The following MBOAT7 variants were observed in gnomAD, a reference collection of about 807,000 sequenced individuals.
MBOAT7 encodes membrane-bound acylglycerophosphatidylinositol O-acyltransferase MBOAT7.
MBOAT7 carries 40 observed loss-of-function variants against 47.4 expected under a neutral mutation model. The ratio of observed to expected loss-of-function variants is 0.84; its 90% confidence interval spans 0.66 to 1.10. The LOEUF is 1.10. MBOAT7 is among the 50% of genes least tolerant of loss of function. The pLI is 0.00. For synonymous variants in MBOAT7, 361 were observed against 292.0 expected, an observed-to-expected ratio of 1.24 and a Z score of -2.41; for missense variants, 680 against 655.6, an observed-to-expected ratio of 1.04 and a Z score of -0.41.
chr19:54,184,610 A>C (rs917837459), intron 4 of MBOAT7, among the ~76,000 whole-genome samples: 2 of 152,112 alleles, frequency 1.3e-5, no homozygotes, highest in African/African-American at 2.4e-5. Flanking sequence ...CCCTTTAAAA[A>C]AAATAATTTT....
intron 7 of MBOAT7, among the ~76,000 whole-genome samples, chr19:54,177,151 A>AAATACTAATACTAATACTAATACT (rs71195744): frequency 0.031 from 4,555 of 146,068 alleles, 110 homozygotes; most frequent in African/African-American, 0.056. Context: ...CAGAGCATCA[A>AAATACTAATACTAATACTAATACT]AATACTAATA....
intron 1 of MBOAT7, among the ~76,000 whole-genome samples, chr19:54,188,998 T>A (rs1382673500): frequency 2.8e-5 from 2 of 70,208 alleles, no homozygotes; most frequent in Non-Finnish European, 5.7e-5. Flanking sequence ...GGATCCCCCA[T>A]CCCCCGGCCC....
chr19:54,179,180 T>G, intron 6 of MBOAT7: 1 of 585,642 alleles, frequency 1.7e-6, no homozygotes. Flanking sequence ...CTTCTTTTGG[T>G]ACCTAATGGG....
intron 4 of MBOAT7, among the ~76,000 whole-genome samples, chr19:54,184,797 A>G (rs254282): frequency 0.53 from 79,495 of 151,086 alleles, 21,510 homozygotes; most frequent in African/African-American, 0.65. Context: ...CCAGCTACTC[A>G]GGAGGCTGAG....
chr19:54,174,092 T>C lies in MBOAT7; in HGVS notation c.1371A>G (p.Ala457=). ...GGGCAAGGCTGGTGGGCTGGGATGC[T>C]GCCTTCCGCCGGCTGGGGCTGCCCC... The part of the protein sequence containing the change: ...LGGGSPSRRK[A]ASQPTSLAPE... Residue 457 remains alanine (A), a synonymous_variant, in exon 8 of 8, where the codon GCA becomes GCG. Coordinates refer to ENST00000245615, the MANE Select transcript of MBOAT7 (RefSeq NM_024298.5). 3 of 1,607,054 alleles carry C rather than the reference T, an allele frequency of 1.9e-6. No individual in the cohort carries two copies. The highest frequency in any genetic ancestry group is 2.5e-6 in the Non-Finnish European group (3 of 1,177,518).
chr19:54,179,352 C>G, intron 6 of MBOAT7: 1 of 212,822 alleles, frequency 4.7e-6, no homozygotes, highest in Non-Finnish European at 9.5e-6. Context: ...TCCCTAATAA[C>G]AAGGTGCTTC....
chr19:54,188,546 A>G, intron 1 of MBOAT7, 35 bp from the exon 2 acceptor site: 2 of 1,541,250 alleles, frequency 1.3e-6, no homozygotes, highest in Non-Finnish European at 1.8e-6. Context: ...GTGAGAACCC[A>G]GGAATCCAGG....
Position 54,178,897 on chromosome 19 carries a change from C to T in MBOAT7, c.899G>A (p.Arg300His). 6 of 1,613,504 alleles carry T rather than the reference C, an allele frequency of 3.7e-6. No homozygotes were observed. Among genetic ancestry groups the T allele is most frequent in the Non-Finnish European group, 5.1e-6 (6 of 1,180,008 alleles). ...ASLEYDYETI[R>H]NIDCYSTDFC... Reference sequence around the variant, plus strand: ...ATCTGTGCTGTAGCAGTCGATGTTGCGGATGGTCTCATAGTCATACTCCAA... The same window carrying T: ...ATCTGTGCTGTAGCAGTCGATGTTGTGGATGGTCTCATAGTCATACTCCAA... The change falls in exon 7 of 8, where the codon CGC (arginine) becomes CAC (histidine). Residue 300 changes from arginine (R) to histidine (H), a missense_variant. Arg to His is a conservative substitution (Grantham distance 29). Coordinates refer to ENST00000245615, the MANE Select transcript of MBOAT7 (RefSeq NM_024298.5).
chr19:54,179,306 C>T (rs1030466578), intron 6 of MBOAT7: 3 of 297,924 alleles, frequency 1.0e-5, no homozygotes, highest in Admixed American at 4.6e-5. Flanking sequence ...TCTAAATTGT[C>T]GGACACTGCA....
At chr19:54,183,412 T>C (rs756744278) in intron 5 of MBOAT7, 109 bp downstream of exon 5, 1 of 1,291,200 alleles carries the variant, frequency 7.7e-7, no homozygotes, top group Non-Finnish European at 1.1e-6. Flanking sequence ...CAGCAGCAGA[T>C]GCTAGGATGG....
At chr19:54,175,235 C>A (rs1457520465) in intron 7 of MBOAT7, among the ~76,000 whole-genome samples, 1 of 152,162 alleles carries the variant, frequency 6.6e-6, no homozygotes, top group East Asian at 1.9e-4. Context: ...GCCTTGGCCT[C>A]CCAAAGTGCT....
chr19:54,188,992 C>T (rs2076546725), intron 1 of MBOAT7, among the ~76,000 whole-genome samples: 1 of 148,132 alleles, frequency 6.8e-6, no homozygotes, highest in Non-Finnish European at 1.5e-5. Context: ...CTCTTTGGAT[C>T]CCCCATCCCC....
rs757027974 is a variant in MBOAT7 at position 54,183,520 on chromosome 19, C to T, written c.493+1G>A. 3 of 1,607,394 alleles carry T rather than the reference C, an allele frequency of 1.9e-6. No homozygotes were observed. The highest frequency in any genetic ancestry group is 1.7e-6 in the Non-Finnish European group (2 of 1,177,184). On this transcript the variant is annotated splice_donor_variant, in intron 5 of 7. Coordinates refer to ENST00000245615, the MANE Select transcript of MBOAT7 (RefSeq NM_024298.5). LOFTEE classifies it high-confidence loss of function. ...AGAGTTGTTAGGGCAGCCCCACTCACCTGTCATGATTCCCACGTAGCAGTA... is the reference window on the plus strand; with the variant it reads ...AGAGTTGTTAGGGCAGCCCCACTCATCTGTCATGATTCCCACGTAGCAGTA...
chr19:54,185,410 G>A (rs911119246), intron 4 of MBOAT7, among the ~76,000 whole-genome samples: 7 of 151,928 alleles, frequency 4.6e-5, no homozygotes, highest in African/African-American at 1.7e-4. Context: ...ATTTCCCCTG[G>A]GCCTAGGGTT....
At chr19:54,177,913 T>G (rs1371137320) in intron 7 of MBOAT7, among the ~76,000 whole-genome samples, 761 of 67,390 alleles carry the variant, frequency 0.011, 31 homozygotes, top group African/African-American at 0.029. Flanking sequence ...TTTTTTTTTT[T>G]TTTTTTTTTT....
rs1287708824 is a variant in MBOAT7 at position 54,183,523 on chromosome 19, G to A, written c.491C>T (p.Thr164Ile). ...GTTGTTAGGGCAGCCCCACTCACCT[G>A]TCATGATTCCCACGTAGCAGTAGCT... is the stretch of plus-strand genomic sequence containing the variant. The part of the protein sequence containing the change: ...SYSYCYVGIM[T>I]GPFFRYRTYL... Residue 164 changes from threonine (T) to isoleucine (I), a missense_variant and splice_region_variant, in exon 5 of 8, where the codon ACA (threonine) becomes ATA (isoleucine). Thr to Ile is a moderately conservative substitution (Grantham distance 89, BLOSUM62 -1). Transcript: ENST00000245615. 3 of 1,607,952 alleles carry A rather than the reference G, an allele frequency of 1.9e-6. No individual in the cohort carries two copies. The highest frequency in any genetic ancestry group is 2.5e-6 in the Non-Finnish European group (3 of 1,177,340).
intron 4 of MBOAT7, 86 bp downstream of exon 4, chr19:54,187,075 C>A: frequency 6.8e-7 from 1 of 1,460,218 alleles, no homozygotes; most frequent in South Asian, 1.3e-5. Flanking sequence ...GGTAAAATCC[C>A]GGGGAGCCAC....
At chr19:54,184,839 G>A (rs1168428305) in intron 4 of MBOAT7, among the ~76,000 whole-genome samples, 1 of 151,386 alleles carries the variant, frequency 6.6e-6, no homozygotes, top group South Asian at 2.1e-4. Context: ...GGGAGGCGGA[G>A]GTTGCGGTAA....
rs540603645 is a variant in MBOAT7, at chr19:54,175,077, G to A, written c.1032-646C>T. ...TGCAAGCTCCGCCTCCCAGGTTCAC[G>A]CCATTCTCCTGCCTCAGCCTCCCGA... is the stretch of plus-strand genomic sequence containing the variant. On this transcript the variant is annotated intron_variant, in intron 7 of 7. Transcript: ENST00000245615. 4.8e-4 allele frequency among the ~76,000 whole-genome samples: 71 copies of A among 148,834 alleles called. No homozygotes were observed. The South Asian group carries it at 7.1e-3, about 15-fold the overall frequency.
Sources: gnomAD v4.1 joint callset for allele counts (sites outside exome capture counted in the v4.1 genomes callset) on GRCh38, gnomAD v4.1.1 for gene constraint, MANE v1.5 for transcripts, NCBI Gene and HGNC (gene_info 2026-07-23, HGNC 2026-07-21) for gene names.